PTPRM: variants seen among roughly 807,000 people sequenced by gnomAD.
PTPRM encodes receptor-type tyrosine-protein phosphatase mu.
PTPRM carries 47 observed loss-of-function variants against 186.7 expected under a neutral mutation model. The observed-to-expected ratio is 0.25, with a 90% CI of 0.20 to 0.32. PTPRM has a LOEUF of 0.32. PTPRM is among the 10% of genes least tolerant of loss of function. PTPRM has a pLI of 1.00. For synonymous variants in PTPRM, 668 were observed against 674.9 expected, an observed-to-expected ratio of 0.99 and a Z score of 0.16; for missense variants, 1,494 against 1,865.0, an observed-to-expected ratio of 0.80 and a Z score of 3.66.
intron 13 of PTPRM, among the ~76,000 whole-genome samples, chr18:8,118,423 T>C (rs2092038059): frequency 6.6e-6 from 1 of 152,170 alleles, no homozygotes; most frequent in Non-Finnish European, 1.5e-5. Flanking sequence ...CTCAAGCTTG[T>C]ACAACCCATG....
intron 20 of PTPRM, among the ~76,000 whole-genome samples, chr18:8,312,973 A>G (rs1222547188): frequency 6.6e-6 from 1 of 152,238 alleles, no homozygotes; most frequent in South Asian, 2.1e-4. Context: ...TTGACAACAA[A>G]CAAAACATTT....
Position 7,901,403 on chromosome 18 carries a change from T to C in PTPRM, c.469-5102T>C, listed in dbSNP as rs372481417. On this transcript the variant is annotated intron_variant, in intron 3 of 32. Transcript: ENST00000580170. ...CTTTTTTGATAACGGAGTCTTACTC[T>C]GTCGCCAGGCTGCAGTGCAGTGGCA... Among the ~76,000 whole-genome samples the C allele has an allele frequency of 2.2e-3, 339 of 152,200 alleles. 1 individual carries two copies. Among genetic ancestry groups the C allele is most frequent in the Non-Finnish European group, 4.0e-3 (269 of 68,000 alleles).
intron 1 of PTPRM, among the ~76,000 whole-genome samples, chr18:7,738,830 C>T (rs551297954): frequency 6.9e-4 from 105 of 152,176 alleles, no homozygotes; most frequent in African/African-American, 2.1e-3. Context: ...TGGCCAATGC[C>T]GGCTGCAGGT....
chr18:8,052,458 A>T (rs1172295771), intron 7 of PTPRM, among the ~76,000 whole-genome samples: 1 of 152,192 alleles, frequency 6.6e-6, no homozygotes, highest in Non-Finnish European at 1.5e-5. Context: ...TACAACATTC[A>T]ATACAGAAAC....
chr18:7,894,180 G>T (rs1296780169), intron 3 of PTPRM, among the ~76,000 whole-genome samples: 1 of 152,140 alleles, frequency 6.6e-6, no homozygotes, highest in African/African-American at 2.4e-5. Context: ...GCAAGAGCCC[G>T]TCTGCTTTTG....
chr18:7,618,747 C>CT, intron 1 of PTPRM, among the ~76,000 whole-genome samples: 1 of 152,246 alleles, frequency 6.6e-6, no homozygotes, highest in South Asian at 2.1e-4. Context: ...AAATACGGTT[C>CT]CTGGCTAACC....
At chr18:7,766,977 G>A (rs117371350) in intron 1 of PTPRM, among the ~76,000 whole-genome samples, 2,666 of 152,262 alleles carry the variant, frequency 0.018, 17 homozygotes, top group Non-Finnish European at 0.025. Context: ...TGTTGAGTGA[G>A]ATAAAAGTCT....
chr18:7,883,768 A>T (rs971087682), intron 2 of PTPRM, among the ~76,000 whole-genome samples: 1 of 152,240 alleles, frequency 6.6e-6, no homozygotes, highest in Admixed American at 6.5e-5. Flanking sequence ...AAAGAAAGGA[A>T]ACTTAAAAAT....
At chr18:7,694,639 C>T (rs2144667112) in intron 1 of PTPRM, among the ~76,000 whole-genome samples, 1 of 151,810 alleles carries the variant, frequency 6.6e-6, no homozygotes, top group South Asian at 2.1e-4. Context: ...GTTGTCCAGG[C>T]TGGTCTTGAA....
intron 11 of PTPRM, among the ~76,000 whole-genome samples, chr18:8,101,101 G>C (rs2091272311): frequency 6.6e-6 from 1 of 152,164 alleles, no homozygotes; most frequent in Non-Finnish European, 1.5e-5. Flanking sequence ...TTGTTGGTAG[G>C]ACTGTTTATA....
intron 2 of PTPRM, among the ~76,000 whole-genome samples, chr18:7,876,978 A>G (rs886157850): frequency 7.9e-5 from 12 of 152,138 alleles, no homozygotes; most frequent in African/African-American, 2.9e-4. Context: ...GTCTGTAATG[A>G]GTAAAAGAGT....
At chr18:7,760,693 A>G (rs758635302) in intron 1 of PTPRM, among the ~76,000 whole-genome samples, 13 of 152,246 alleles carry the variant, frequency 8.5e-5, no homozygotes, top group Admixed American at 4.6e-4. Flanking sequence ...CGATAGATAC[A>G]TAGCATAATG....
chr18:8,316,398 A>C (rs956415996), intron 21 of PTPRM, among the ~76,000 whole-genome samples: 3 of 152,190 alleles, frequency 2.0e-5, no homozygotes, highest in African/African-American at 7.2e-5. Flanking sequence ...TTAACCGGTG[A>C]GTAAGTGGAA....
intron 19 of PTPRM, among the ~76,000 whole-genome samples, chr18:8,289,523 T>TACATATATATACACATATATATATAC (rs2095005868): frequency 5.7e-5 from 6 of 105,944 alleles, no homozygotes; most frequent in Admixed American, 3.0e-4. Flanking sequence ...TGTATATATA[T>TACATATATATACACATATATATATAC]ACATATATAT....
intron 19 of PTPRM, among the ~76,000 whole-genome samples, chr18:8,273,712 A>G (rs1002373217): frequency 6.6e-6 from 1 of 152,190 alleles, no homozygotes; most frequent in African/African-American, 2.4e-5. Context: ...ATTGGTATAT[A>G]TGGGTCTTTT....
chr18:7,753,307 C>T (rs977254418), intron 1 of PTPRM, among the ~76,000 whole-genome samples: 1 of 151,738 alleles, frequency 6.6e-6, no homozygotes, highest in Non-Finnish European at 1.5e-5. Context: ...AAAGTAAAGT[C>T]AGAATTATAT....
chr18:8,074,144 G>A (rs28578123), intron 8 of PTPRM, among the ~76,000 whole-genome samples: 2 of 152,070 alleles, frequency 1.3e-5, no homozygotes, highest in South Asian at 2.1e-4. Flanking sequence ...AAAAAAATAG[G>A]CATACTATCT....
chr18:7,780,786 A>C (rs2042818355), intron 2 of PTPRM, among the ~76,000 whole-genome samples: 1 of 152,146 alleles, frequency 6.6e-6, no homozygotes, highest in African/African-American at 2.4e-5. Context: ...CTTAGAGAGC[A>C]ATGGGGGTTG....
At chr18:8,204,771 CAAAAA>C (rs113768465) in intron 14 of PTPRM, among the ~76,000 whole-genome samples, 186 of 145,146 alleles carry the variant, frequency 1.3e-3, no homozygotes, top group African/African-American at 4.5e-3. Flanking sequence ...AAAACAAAAA[CAAAAA>C]AAAAACAAAA....
Sources: allele counts gnomAD v4.1 joint callset (sites outside exome capture counted in the v4.1 genomes callset), GRCh38; gene constraint gnomAD v4.1.1; transcripts MANE v1.5; gene names NCBI Gene and HGNC (gene_info 2026-07-23, HGNC 2026-07-21).